RARB: variants seen among roughly 807,000 people sequenced by gnomAD.
RARB encodes the protein HBV-activated protein.
Under a neutral mutation model 51.9 loss-of-function variants are expected in RARB, and 17 were observed. That is an observed-to-expected ratio of 0.33 (90% CI 0.22 to 0.49). The LOEUF (loss-of-function observed/expected upper bound fraction) is 0.49. Among genes scored for constraint, RARB ranks in the 20% least tolerant of loss-of-function variants. The pLI, the probability that RARB is intolerant of heterozygous loss-of-function variation, is 0.99. For synonymous variants in RARB, 215 were observed against 195.4 expected (o/e 1.10, Z -0.84); for missense variants, 369 against 550.8 (o/e 0.67, Z 3.30).
intron 2 of RARB, among the ~76,000 whole-genome samples, chr3:25,016,299 T>G (rs1353978446): frequency 6.6e-6 from 1 of 152,176 alleles, no homozygotes; most frequent in African/African-American, 2.4e-5. Flanking sequence ...AAGGTTAAAG[T>G]TGTGTTTCTC....
intron 5 of RARB, among the ~76,000 whole-genome samples, chr3:25,351,435 A>G (rs1283332563): frequency 6.6e-6 from 1 of 152,016 alleles, no homozygotes; most frequent in Non-Finnish European, 1.5e-5. Context: ...GATTTTCTTA[A>G]TGAATATTAT....
At chr3:25,326,507 G>C (rs1575314328) in intron 5 of RARB, among the ~76,000 whole-genome samples, 1 of 152,300 alleles carries the variant, frequency 6.6e-6, no homozygotes, top group East Asian at 1.9e-4. Context: ...TTCAAGGGTA[G>C]AGAAAAAGTT....
chr3:25,202,535 A>G (rs992289233), intron 5 of RARB, among the ~76,000 whole-genome samples: 7 of 152,054 alleles, frequency 4.6e-5, no homozygotes, highest in African/African-American at 1.2e-4. Context: ...TTAGGGTGTC[A>G]ATTTTAGATC....
intron 5 of RARB, among the ~76,000 whole-genome samples, chr3:25,362,880 C>T (rs1705993753): frequency 6.6e-6 from 1 of 152,170 alleles, no homozygotes; most frequent in Non-Finnish European, 1.5e-5. Flanking sequence ...TCTGCGTTGG[C>T]CTCTCTGGGA....
chr3:25,340,953 A>G (rs924598692), intron 5 of RARB, among the ~76,000 whole-genome samples: 12 of 152,200 alleles, frequency 7.9e-5, no homozygotes, highest in African/African-American at 2.7e-4. Flanking sequence ...AGGATTATCA[A>G]TCAAATCTTC....
At chr3:25,403,855 C>G (rs1382633359) in intron 5 of RARB, among the ~76,000 whole-genome samples, 1 of 83,440 alleles carries the variant, frequency 1.2e-5, no homozygotes, top group African/African-American at 4.6e-5. Flanking sequence ...AAAAAAGATG[C>G]CAAGTGTCAC....
At chr3:25,400,830 A>G (rs1023467569) in intron 5 of RARB, among the ~76,000 whole-genome samples, 11 of 152,132 alleles carry the variant, frequency 7.2e-5, no homozygotes, top group Non-Finnish European at 1.5e-4. Flanking sequence ...GTAACAGACC[A>G]GTGCTCCCAG....
intron 5 of RARB, among the ~76,000 whole-genome samples, chr3:25,252,651 C>A (rs1253438649): frequency 2.6e-5 from 4 of 152,130 alleles, no homozygotes; most frequent in African/African-American, 9.7e-5. Context: ...TCAGATATTT[C>A]TTTGCCAGTT....
chr3:25,073,157 C>G (rs1698803840), intron 3 of RARB, among the ~76,000 whole-genome samples: 1 of 152,108 alleles, frequency 6.6e-6, no homozygotes, highest in African/African-American at 2.4e-5. Context: ...ATGTGTGCGT[C>G]TACAATAATT....
chr3:25,024,606 A>G (rs551461325), intron 2 of RARB, among the ~76,000 whole-genome samples: 8 of 152,296 alleles, frequency 5.3e-5, no homozygotes, highest in South Asian at 4.1e-4. Flanking sequence ...AGTCCATTGG[A>G]CTAGAAAGCC....
chr3:25,349,135 G>A (rs114949248), intron 5 of RARB, among the ~76,000 whole-genome samples: 140 of 152,266 alleles, frequency 9.2e-4, no homozygotes, highest in African/African-American at 3.0e-3. Context: ...CAATGAAGGC[G>A]GAAAGGGCTC....
At chr3:25,528,412 T>A (rs1406684398) in intron 3 of RARB, among the ~76,000 whole-genome samples, 2 of 152,052 alleles carry the variant, frequency 1.3e-5, no homozygotes, top group Non-Finnish European at 2.9e-5. Flanking sequence ...AAAAGGGTGC[T>A]GGGACAGGGG....
At chr3:25,325,897 T>C (rs1014767523) in intron 5 of RARB, among the ~76,000 whole-genome samples, 3 of 152,332 alleles carry the variant, frequency 2.0e-5, no homozygotes, top group East Asian at 3.9e-4. Context: ...AGTTTTCTTA[T>C]GGACTCAGTT....
intron 2 of RARB, among the ~76,000 whole-genome samples, chr3:25,469,835 A>G (rs749140389): frequency 6.6e-6 from 1 of 152,226 alleles, no homozygotes; most frequent in African/African-American, 2.4e-5. Flanking sequence ...GGCAGAAAAC[A>G]TGAGAAGCTA....
At chr3:25,197,565 A>T (rs1211761671) in intron 5 of RARB, among the ~76,000 whole-genome samples, 1 of 152,044 alleles carries the variant, frequency 6.6e-6, no homozygotes, top group African/African-American at 2.4e-5. Context: ...CCAAAAAACT[A>T]TTAGAATTGT....
intron 2 of RARB, among the ~76,000 whole-genome samples, chr3:24,982,679 G>A (rs1294367604): frequency 6.6e-6 from 1 of 152,134 alleles, no homozygotes. Context: ...TTCCCTGACT[G>A]TTTTTGTTTA....
intron 3 of RARB, among the ~76,000 whole-genome samples, chr3:25,527,694 T>C (rs1698712618): frequency 6.6e-6 from 1 of 152,206 alleles, no homozygotes; most frequent in Admixed American, 6.5e-5. Flanking sequence ...AAAGGGTTTT[T>C]TGAGGTTTTC....
intron 5 of RARB, among the ~76,000 whole-genome samples, chr3:25,364,037 C>T (rs1029813817): frequency 4.6e-5 from 7 of 152,120 alleles, no homozygotes; most frequent in Non-Finnish European, 8.8e-5. Context: ...ATTTCAATGC[C>T]CTCTCCTAGC....
intron 1 of RARB, among the ~76,000 whole-genome samples, chr3:25,443,968 C>T (rs986376002): frequency 1.3e-4 from 20 of 151,946 alleles, no homozygotes; most frequent in African/African-American, 4.8e-4. Context: ...AAATAAATCG[C>T]TAAAACAACT....
Sources: gnomAD v4.1 joint callset for allele counts (sites outside exome capture counted in the v4.1 genomes callset) on GRCh38, gnomAD v4.1.1 for gene constraint, MANE v1.5 for transcripts, NCBI Gene and HGNC (gene_info 2026-07-23, HGNC 2026-07-21) for gene names.